Variants in RBFOX2 observed in about 807,000 individuals in gnomAD.
RBFOX2 encodes RNA binding protein fox-1 homolog 2.
RBFOX2 carries 10 observed loss-of-function variants against 49.1 expected under a neutral mutation model. The ratio of observed to expected loss-of-function variants is 0.20; its 90% CI spans 0.13 to 0.35. RBFOX2 has a LOEUF of 0.35. Among genes scored for constraint, RBFOX2 ranks in the 10% least tolerant of loss-of-function variants. The probability of loss-of-function intolerance (pLI) is 1.00; values close to 1 mark genes in which losing one functional copy is unlikely to be tolerated. For missense variants in RBFOX2, 323 were observed against 486.9 expected, an observed-to-expected ratio of 0.66 and a Z score of 3.17; for synonymous variants, 183 against 187.4, an observed-to-expected ratio of 0.98 and a Z score of 0.19.
chr22:35,977,722 C>CTATATATATATA (rs375088964), intron 1 of RBFOX2, among the ~76,000 whole-genome samples: 38 of 80,864 alleles, frequency 4.7e-4, no homozygotes, highest in Admixed American at 1.2e-3. Context: ...CCTGAATGAA[C>CTATATATATATA]TATATATATA....
Position 35,765,379 on chromosome 22 carries a change from TTTACACAAGAATAAACACTCTTTCGAAGA to T in RBFOX2, c.607+15_607+43del, listed in dbSNP as rs771645254. 2.5e-4 allele frequency: 338 copies of T among 1,360,720 alleles called. No homozygotes were observed. The highest frequency in any genetic ancestry group is 3.4e-4 in the Non-Finnish European group (329 of 981,788). 84.3% of individuals were successfully genotyped at this position (1,360,720 alleles called of 1,614,324 possible). On this transcript the variant is annotated intron_variant, in intron 6 of 11. Transcript: ENST00000405409. ...TAGAAGTTTATAAAAACTTCATATATTTACACAAGAATAAACACTCTTTCGAAGATTATAATTTCTTACCATTTGCATAT... is the reference window on the plus strand; with the variant it reads ...TAGAAGTTTATAAAAACTTCATATATTTATAATTTCTTACCATTTGCATAT...
rs1191901587 is a variant in RBFOX2, at chr22:35,933,927, TA to T, written c.-34+4919del. 1.3e-3 allele frequency among the ~76,000 whole-genome samples: 50 copies of T among 38,092 alleles called. 1 individual carries two copies. The highest frequency in any genetic ancestry group is 0.05 in the Middle Eastern group (2 of 40). 25.0% of individuals were successfully genotyped at this position (38,092 alleles called of 152,430 possible). On this transcript the variant is annotated intron_variant, in intron 1 of 13. Coordinates refer to the RBFOX2 transcript ENST00000359369. Reference sequence around the variant, plus strand: ...TTCTTATAATTATATAATTAAATGTTATATATATATATATATATATATATAT... The same window carrying T: ...TTCTTATAATTATATAATTAAATGTTTATATATATATATATATATATATAT...
intron 1 of RBFOX2, among the ~76,000 whole-genome samples, chr22:35,947,814 T>C (rs1472736134): frequency 6.6e-6 from 1 of 151,772 alleles, no homozygotes; most frequent in Non-Finnish European, 1.5e-5. Flanking sequence ...AATCAAAAAG[T>C]TAAAAAAATT....
chr22:35,826,747 T>C (rs1222415901), intron 1 of RBFOX2, among the ~76,000 whole-genome samples: 1 of 152,208 alleles, frequency 6.6e-6, no homozygotes, highest in Non-Finnish European at 1.5e-5. Context: ...TACTGTTTTT[T>C]TTCCTATACA....
At chr22:35,852,763 C>T (rs1207618210) in intron 1 of RBFOX2, among the ~76,000 whole-genome samples, 2 of 152,152 alleles carry the variant, frequency 1.3e-5, no homozygotes, top group African/African-American at 4.8e-5. Flanking sequence ...GACTGACTAA[C>T]TTAAACTTCA....
intron 9 of RBFOX2, chr22:35,752,513 G>A: frequency 3.0e-6 from 2 of 677,674 alleles, no homozygotes; most frequent in Non-Finnish European, 3.6e-6. Context: ...AAAAGCCTCT[G>A]TTCCCATCTC....
At chr22:36,026,497 G>A (rs1248322172) in intron 1 of RBFOX2, among the ~76,000 whole-genome samples, 1 of 151,526 alleles carries the variant, frequency 6.6e-6, no homozygotes, top group East Asian at 1.9e-4. Flanking sequence ...AGGGACGGGG[G>A]TCTCACTATT....
chr22:35,877,943 G>A (rs1451329094), intron 1 of RBFOX2, among the ~76,000 whole-genome samples: 1 of 151,694 alleles, frequency 6.6e-6, no homozygotes, highest in Non-Finnish European at 1.5e-5. Flanking sequence ...GAAGATAATA[G>A]CAGCGAATAC....
At chr22:35,927,604 CAAAAAAA>C (rs361700) in intron 1 of RBFOX2, among the ~76,000 whole-genome samples, 1 of 49,186 alleles carries the variant, frequency 2.0e-5, no homozygotes, top group Non-Finnish European at 4.0e-5. Flanking sequence ...AACTCCGTCT[CAAAAAAA>C]AAAAAAAAAA....
intron 9 of RBFOX2, among the ~76,000 whole-genome samples, chr22:35,753,435 A>G (rs1421868956): frequency 6.6e-6 from 1 of 152,216 alleles, no homozygotes; most frequent in African/African-American, 2.4e-5. Flanking sequence ...ATGTAGGGGC[A>G]TGGATATTAT....
chr22:35,888,257 T>G (rs1468872025), intron 1 of RBFOX2, among the ~76,000 whole-genome samples: 1 of 152,200 alleles, frequency 6.6e-6, no homozygotes, highest in African/African-American at 2.4e-5. Context: ...ACTCCCCATT[T>G]TTTTGAGATT....
At chr22:35,980,225 T>G (rs529857815) in intron 1 of RBFOX2, among the ~76,000 whole-genome samples, 1 of 152,154 alleles carries the variant, frequency 6.6e-6, no homozygotes, top group Admixed American at 6.5e-5. Context: ...CACACACATC[T>G]CTCCAAGGCT....
At chr22:35,946,975 T>C (rs563672071) in intron 1 of RBFOX2, among the ~76,000 whole-genome samples, 16 of 152,314 alleles carry the variant, frequency 1.1e-4, no homozygotes, top group Non-Finnish European at 2.2e-4. Flanking sequence ...GAGGATCACC[T>C]GAGGTCAGGA....
chr22:36,028,153 G>GC (rs1296411094), intron 1 of RBFOX2, 87 bp downstream of exon 1: 7 of 1,333,448 alleles, frequency 5.2e-6, no homozygotes, highest in Non-Finnish European at 6.7e-6. Context: ...ACTCCCGGAG[G>GC]CCCTCCCTCT....
upstream of RBFOX2, among the ~76,000 whole-genome samples, chr22:35,964,935 ATAGT>A (rs2056469988): frequency 6.6e-6 from 1 of 152,238 alleles, no homozygotes; most frequent in African/African-American, 2.4e-5. Context: ...TCTTTAGAAA[ATAGT>A]TATTGTCTTT....
At chr22:35,968,532 T>C (rs1444533394) in intron 1 of RBFOX2, among the ~76,000 whole-genome samples, 4 of 152,120 alleles carry the variant, frequency 2.6e-5, no homozygotes, top group African/African-American at 9.7e-5. Flanking sequence ...GCTAAGGTAG[T>C]AAACAAGAAG....
At chr22:35,974,530 T>C (rs762253157) in intron 1 of RBFOX2, among the ~76,000 whole-genome samples, 1 of 151,874 alleles carries the variant, frequency 6.6e-6, no homozygotes, top group Non-Finnish European at 1.5e-5. Flanking sequence ...CTACTAAAAA[T>C]ACAAAAATTA....
At position 35,880,734 on chromosome 22, in the gene RBFOX2, G is replaced by A. The variant is rs538704492; in HGVS notation, c.-34+58113C>T. ...CCCTTTTATAAACCTAAGATTCACTGTGAAATTTTAGAAGATCTTTATTTT... is the reference window on the plus strand; with the variant it reads ...CCCTTTTATAAACCTAAGATTCACTATGAAATTTTAGAAGATCTTTATTTT... On this transcript the variant is annotated intron_variant, in intron 1 of 13. Transcript: ENST00000359369. Among the ~76,000 whole-genome samples, 3 of 151,074 alleles carry A rather than the reference G, an allele frequency of 2.0e-5. No individual in the cohort carries two copies. In the South Asian group the frequency reaches 6.4e-4, roughly 32 times the overall value.
At chr22:35,804,359 A>G (rs1484973422) in intron 2 of RBFOX2, among the ~76,000 whole-genome samples, 3 of 152,210 alleles carry the variant, frequency 2.0e-5, no homozygotes, top group African/African-American at 4.8e-5. Context: ...TTATGGTGAA[A>G]AACATCCCAA....
Sources: gnomAD v4.1 joint callset for allele counts (sites outside exome capture counted in the v4.1 genomes callset) on GRCh38, gnomAD v4.1.1 for gene constraint, MANE v1.5 for transcripts, NCBI Gene and HGNC (gene_info 2026-07-23, HGNC 2026-07-21) for gene names.